PLCB1: variants seen among roughly 807,000 people sequenced by gnomAD.
PLCB1 encodes the protein phospholipase C beta 1.
Under a neutral mutation model 161.8 loss-of-function variants are expected in PLCB1, and 46 were observed. The ratio of observed to expected loss-of-function variants is 0.28; its 90% confidence interval spans 0.22 to 0.36. PLCB1 has a LOEUF of 0.36. Ranked by LOEUF, PLCB1 falls within the 10% of genes least tolerant of loss-of-function variation. The pLI is 1.00. For synonymous variants in PLCB1, 517 were observed against 503.7 expected (o/e 1.03, Z -0.35); for missense variants, 1,016 against 1,472.5 (o/e 0.69, Z 5.07).
At chr20:8,512,278 A>T (rs6086478) in intron 3 of PLCB1, among the ~76,000 whole-genome samples, 18,519 of 152,214 alleles carry the variant, frequency 0.12, 1,417 homozygotes, top group East Asian at 0.34. Context: ...CAAGCTTTAA[A>T]TAAGGCAATA....
chr20:8,533,603 T>C (rs1415884573), intron 3 of PLCB1, among the ~76,000 whole-genome samples: 2 of 151,560 alleles, frequency 1.3e-5, no homozygotes, highest in Admixed American at 6.6e-5. Context: ...TTTACATTTC[T>C]CTGATGGCCA....
rs565313080 is a variant in PLCB1, at chr20:8,607,109, C to T, written c.247-21185C>T. Among the ~76,000 whole-genome samples, 11 of 152,272 alleles carry T rather than the reference C, an allele frequency of 7.2e-5. 1 individual carries two copies. In the South Asian group the frequency reaches 2.3e-3, roughly 32 times the overall value. ...GGAATTCTCCTGAATTTCTTTCTTTCCCTTAGCACCATTTACCACAGTCCC... is the reference window on the plus strand; with the variant it reads ...GGAATTCTCCTGAATTTCTTTCTTTTCCTTAGCACCATTTACCACAGTCCC... On this transcript the variant is annotated intron_variant, in intron 3 of 31. Transcript: ENST00000338037.
At chr20:8,845,798 A>T (rs1211077890) in intron 31 of PLCB1, among the ~76,000 whole-genome samples, 1 of 152,252 alleles carries the variant, frequency 6.6e-6, no homozygotes, top group Non-Finnish European at 1.5e-5. Context: ...GTTTAACACA[A>T]TTAACCAACA....
chr20:8,646,998 C>G (rs1989187600), intron 5 of PLCB1, among the ~76,000 whole-genome samples: 1 of 152,346 alleles, frequency 6.6e-6, no homozygotes, highest in South Asian at 2.1e-4. Context: ...CCTAATACCT[C>G]AGCCACATTC....
At chr20:8,749,280 G>A (rs974888388) in intron 23 of PLCB1, among the ~76,000 whole-genome samples, 13 of 152,252 alleles carry the variant, frequency 8.5e-5, no homozygotes, top group Middle Eastern at 3.4e-3. Context: ...ATTAAAAACC[G>A]CTGCTTTGAA....
chr20:8,204,304 A>G (rs1359872997), intron 2 of PLCB1, among the ~76,000 whole-genome samples: 1 of 152,134 alleles, frequency 6.6e-6, no homozygotes, highest in Non-Finnish European at 1.5e-5. Context: ...AAACACAGGA[A>G]AAGATTGGAG....
intron 2 of PLCB1, among the ~76,000 whole-genome samples, chr20:8,297,378 A>G (rs1424895591): frequency 6.6e-6 from 1 of 152,146 alleles, no homozygotes; most frequent in Admixed American, 6.5e-5. Context: ...TTTACACTCA[A>G]AAAAGTTGAT....
chr20:8,795,300 G>A (rs1392513726), intron 31 of PLCB1, among the ~76,000 whole-genome samples: 1 of 152,158 alleles, frequency 6.6e-6, no homozygotes. Context: ...AACAGAAGTA[G>A]GTGGTCCCTC....
rs111944287 is a variant in PLCB1 at position 8,384,029 on chromosome 20, G to A, written c.246+12579G>A. On this transcript the variant is annotated intron_variant, in intron 3 of 31. Coordinates refer to ENST00000338037, the MANE Select transcript of PLCB1 (RefSeq NM_015192.4). Reference sequence around the variant, plus strand: ...GTTGATCTTCTTGTGGGGTATCTTAGCGGTGTTCTCTGTATTTCCTGAATT... The same window carrying A: ...GTTGATCTTCTTGTGGGGTATCTTAACGGTGTTCTCTGTATTTCCTGAATT... Among the ~76,000 whole-genome samples, 13 of 152,188 alleles carry A rather than the reference G, an allele frequency of 8.5e-5. 1 individual carries two copies. The highest frequency in any genetic ancestry group is 3.1e-4 in the African/African-American group (13 of 41,536).
At chr20:8,838,854 G>C (rs74714791) in intron 31 of PLCB1, among the ~76,000 whole-genome samples, 2,426 of 152,296 alleles carry the variant, frequency 0.016, 71 homozygotes, top group African/African-American at 0.055. Flanking sequence ...CATTACTTGA[G>C]CTATTCCCTG....
At chr20:8,514,909 G>A (rs1248210029) in intron 3 of PLCB1, among the ~76,000 whole-genome samples, 2 of 152,106 alleles carry the variant, frequency 1.3e-5, no homozygotes, top group Admixed American at 1.3e-4. Flanking sequence ...TTCATCTCCA[G>A]GAGTTCAGGG....
At chr20:8,766,424 C>T (rs781654257) in intron 26 of PLCB1, among the ~76,000 whole-genome samples, 2 of 152,086 alleles carry the variant, frequency 1.3e-5, no homozygotes. Context: ...GAGACTTACT[C>T]CAGGCTGAGG....
chr20:8,810,331 C>A (rs1984751181), intron 31 of PLCB1, among the ~76,000 whole-genome samples: 1 of 152,146 alleles, frequency 6.6e-6, no homozygotes, highest in South Asian at 2.1e-4. Flanking sequence ...CCTGGCCTTT[C>A]ACTTCGGATG....
chr20:8,649,200 T>C (rs1989245962), intron 6 of PLCB1, among the ~76,000 whole-genome samples, 174 bp from the exon 7 acceptor site: 1 of 152,194 alleles, frequency 6.6e-6, no homozygotes, highest in Admixed American at 6.5e-5. Flanking sequence ...AAGCACGCAG[T>C]TGATCTTTCA....
chr20:8,252,493 A>G (rs1192874715), intron 2 of PLCB1, among the ~76,000 whole-genome samples: 3 of 151,990 alleles, frequency 2.0e-5, no homozygotes, highest in African/African-American at 7.2e-5. Context: ...TAGGTCATAT[A>G]AATTGGTAAT....
At chr20:8,806,727 T>G (rs949841692) in intron 31 of PLCB1, among the ~76,000 whole-genome samples, 33 of 152,196 alleles carry the variant, frequency 2.2e-4, no homozygotes, top group Non-Finnish European at 4.6e-4. Flanking sequence ...AGCAATTGTT[T>G]TTTATTTGGA....
chr20:8,135,934 G>A (rs575608038), intron 1 of PLCB1, among the ~76,000 whole-genome samples: 1 of 152,148 alleles, frequency 6.6e-6, no homozygotes, highest in African/African-American at 2.4e-5. Context: ...GAGATTGTGA[G>A]AGAAGCTCCT....
At position 8,396,573 on chromosome 20, in the gene PLCB1, C is replaced by A. The variant is rs376063155; in HGVS notation, c.246+25123C>A. Among the ~76,000 whole-genome samples the A allele has an allele frequency of 2.6e-4, 40 of 152,102 alleles. No homozygotes were observed. The South Asian group carries it at 7.5e-3, about 28-fold the overall frequency. ...TCAAAAAAATGGGAAGTTGCTCAGT[C>A]CAGTTGAAAAACAAGGTGGGAAGAG... On this transcript the variant is annotated intron_variant, in intron 3 of 31. Coordinates refer to ENST00000338037, the MANE Select transcript of PLCB1 (RefSeq NM_015192.4).
intron 2 of PLCB1, among the ~76,000 whole-genome samples, chr20:8,191,334 A>G (rs2051968386): frequency 6.6e-6 from 1 of 152,040 alleles, no homozygotes; most frequent in Non-Finnish European, 1.5e-5. Flanking sequence ...ATGAACAACT[A>G]TACATCCTTC....
Sources: allele counts gnomAD v4.1 joint callset (sites outside exome capture counted in the v4.1 genomes callset), GRCh38; gene constraint gnomAD v4.1.1; transcripts MANE v1.5; gene names NCBI Gene and HGNC (gene_info 2026-07-23, HGNC 2026-07-21).